Variants in DOCK4 observed in about 807,000 individuals in gnomAD.
DOCK4 encodes the protein dedicator of cytokinesis protein 4.
DOCK4 carries 97 observed loss-of-function variants against 268.1 expected under a neutral mutation model. That is an observed-to-expected ratio of 0.36 (90% CI 0.31 to 0.43). The LOEUF (loss-of-function observed/expected upper bound fraction) is 0.43. Ranked by LOEUF, DOCK4 falls within the 20% of genes least tolerant of loss-of-function variation. The probability of loss-of-function intolerance (pLI) is 1.00; values close to 1 mark genes in which losing one functional copy is unlikely to be tolerated. For synonymous variants in DOCK4, 954 were observed against 887.2 expected (o/e 1.08, Z -1.34); for missense variants, 2,145 against 2,455.7 (o/e 0.87, Z 2.67).
intron 1 of DOCK4, among the ~76,000 whole-genome samples, chr7:112,128,272 C>T (rs540359673): frequency 3.5e-4 from 53 of 151,812 alleles, no homozygotes; most frequent in Admixed American, 9.8e-4. Context: ...CCCGGCCAGC[C>T]GCCCCGTCCG....
At chr7:112,166,663 T>G (rs1425939981) in intron 1 of DOCK4, among the ~76,000 whole-genome samples, 1 of 152,142 alleles carries the variant, frequency 6.6e-6, no homozygotes. Flanking sequence ...GAACTATTAG[T>G]ATTTTTTTAA....
intron 1 of DOCK4, among the ~76,000 whole-genome samples, chr7:112,073,300 A>G (rs534455638): frequency 5.3e-5 from 8 of 152,108 alleles, no homozygotes; most frequent in African/African-American, 9.7e-5. Context: ...TATTTACCCA[A>G]TGGAAAGGAA....
chr7:111,936,313 C>A (rs1285776144), intron 11 of DOCK4, among the ~76,000 whole-genome samples: 2 of 152,180 alleles, frequency 1.3e-5, no homozygotes, highest in African/African-American at 4.8e-5. Context: ...GCAATCTGTA[C>A]CTCTTTCTCT....
chr7:111,991,249 G>A (rs1442721762), intron 5 of DOCK4, among the ~76,000 whole-genome samples: 2 of 152,122 alleles, frequency 1.3e-5, no homozygotes, highest in Admixed American at 6.6e-5. Flanking sequence ...TCCATTAAGG[G>A]AAGAAAACCC....
At chr7:112,094,434 G>A (rs190491403) in intron 1 of DOCK4, among the ~76,000 whole-genome samples, 3 of 152,106 alleles carry the variant, frequency 2.0e-5, no homozygotes, top group Non-Finnish European at 4.4e-5. Flanking sequence ...TTTACATCCA[G>A]GGAATCTCTA....
chr7:112,037,509 A>C (rs1803916676), intron 1 of DOCK4, among the ~76,000 whole-genome samples: 1 of 152,162 alleles, frequency 6.6e-6, no homozygotes, highest in Non-Finnish European at 1.5e-5. Context: ...ACCACAGAAA[A>C]GTTTTGGCTG....
chr7:111,882,642 C>T (rs13223885), intron 16 of DOCK4, among the ~76,000 whole-genome samples: 53,350 of 151,860 alleles, frequency 0.35, 9,737 homozygotes, highest in African/African-American at 0.45. Context: ...GACTGAGTTT[C>T]GCTCTTGTCA....
At chr7:112,133,104 C>T (rs1201310923) in intron 1 of DOCK4, among the ~76,000 whole-genome samples, 6 of 152,124 alleles carry the variant, frequency 3.9e-5, no homozygotes, top group African/African-American at 1.4e-4. Context: ...GTCTTCATTC[C>T]AACCCAAATC....
At chr7:112,183,031 T>A (rs1343952313) in intron 1 of DOCK4, among the ~76,000 whole-genome samples, 1 of 152,082 alleles carries the variant, frequency 6.6e-6, no homozygotes, top group Admixed American at 6.5e-5. Context: ...CCAGCTACAC[T>A]CCCCTAGACT....
At chr7:112,035,787 C>T (rs901016251) in intron 1 of DOCK4, among the ~76,000 whole-genome samples, 12 of 152,010 alleles carry the variant, frequency 7.9e-5, no homozygotes, top group African/African-American at 2.9e-4. Flanking sequence ...AATTACAACA[C>T]TCATTTAAAA....
chr7:111,874,997 T>A (rs1218932310), intron 17 of DOCK4, among the ~76,000 whole-genome samples: 3 of 152,224 alleles, frequency 2.0e-5, no homozygotes, highest in Non-Finnish European at 4.4e-5. Flanking sequence ...AGCAATTTAA[T>A]TCCAATTTGG....
intron 1 of DOCK4, among the ~76,000 whole-genome samples, chr7:112,051,231 T>C (rs1025896368): frequency 3.0e-4 from 46 of 152,228 alleles, no homozygotes; most frequent in Admixed American, 6.5e-4. Context: ...AAGAAAAGTT[T>C]CATGCATTAA....
chr7:112,073,849 T>C (rs1367462658), intron 1 of DOCK4, among the ~76,000 whole-genome samples: 2 of 152,114 alleles, frequency 1.3e-5, no homozygotes, highest in African/African-American at 4.8e-5. Context: ...TCTGTAGCAC[T>C]GTAGGGTGAA....
In DOCK4 at chr7:112,178,854, G is replaced by A. The variant is rs1309450045; in HGVS notation, c.37+27248C>T. Among the ~76,000 whole-genome samples, 3 of 152,264 alleles carry A rather than the reference G, an allele frequency of 2.0e-5. No homozygotes were observed. In the East Asian group the frequency reaches 5.8e-4, roughly 29 times the overall value. ...TCAGATACAGAATAAATGTGCACAT[G>A]ATGGAGGCTGCCAAATCAGAAGGTT... On this transcript the variant is annotated intron_variant, in intron 1 of 52. Coordinates refer to ENST00000428084, the MANE Select transcript of DOCK4 (RefSeq NM_001363540.2).
At chr7:112,013,598 T>G (rs920304442) in intron 1 of DOCK4, among the ~76,000 whole-genome samples, 2 of 152,232 alleles carry the variant, frequency 1.3e-5, no homozygotes, top group African/African-American at 4.8e-5. Context: ...ACTTGACATG[T>G]GGGCCTCTTA....
At chr7:112,189,942 G>C (rs1017404400) in intron 1 of DOCK4, among the ~76,000 whole-genome samples, 3 of 151,808 alleles carry the variant, frequency 2.0e-5, no homozygotes, top group Non-Finnish European at 4.4e-5. Flanking sequence ...CACAATGTAT[G>C]TTTCAGATTT....
intron 44 of DOCK4, among the ~76,000 whole-genome samples, chr7:111,745,400 C>T (rs771582133): frequency 2.2e-4 from 34 of 152,192 alleles, no homozygotes; most frequent in East Asian, 3.9e-4. Flanking sequence ...AAGTTGGCAT[C>T]GGCCAGGCGC....
At chr7:112,183,485 AACAC>A (rs1192344692) in intron 1 of DOCK4, among the ~76,000 whole-genome samples, 5 of 152,180 alleles carry the variant, frequency 3.3e-5, no homozygotes, top group African/African-American at 1.2e-4. Context: ...GAAAACAGTA[AACAC>A]ACTCACTGTC....
At chr7:112,151,172 C>T (rs1483048517) in intron 1 of DOCK4, among the ~76,000 whole-genome samples, 1 of 152,088 alleles carries the variant, frequency 6.6e-6, no homozygotes, top group East Asian at 1.9e-4. Context: ...AGGATTTGTA[C>T]CTACAGCTAG....
Sources: gnomAD v4.1 joint callset for allele counts (sites outside exome capture counted in the v4.1 genomes callset) on GRCh38, gnomAD v4.1.1 for gene constraint, MANE v1.5 for transcripts, NCBI Gene and HGNC (gene_info 2026-07-23, HGNC 2026-07-21) for gene names.